SSBP3: variants seen among roughly 807,000 people sequenced by gnomAD.
SSBP3 encodes single stranded DNA binding protein 3.
A neutral mutation model predicts 69.6 loss-of-function variants in SSBP3; 5 were observed. The ratio of observed to expected loss-of-function variants is 0.07; its 90% CI spans 0.04 to 0.15. The LOEUF (loss-of-function observed/expected upper bound fraction) is 0.15. Among genes scored for constraint, SSBP3 ranks in the 10% least tolerant of loss-of-function variants. The probability of loss-of-function intolerance (pLI) is 1.00; values close to 1 mark genes in which losing one functional copy is unlikely to be tolerated. For synonymous variants in SSBP3, 196 were observed against 193.4 expected (o/e 1.01, Z -0.11); for missense variants, 312 against 534.0 (o/e 0.58, Z 4.10).
At chr1:54,228,184 A>C in intron 17 of SSBP3, 71 bp downstream of exon 17, 62 of 1,338,658 alleles carry the variant, frequency 4.6e-5, no homozygotes, top group Non-Finnish European at 6.4e-5. Context: ...CCGGCTCCGT[A>C]GCTCGCAACT....
At chr1:54,241,088 C>T in intron 12 of SSBP3, 129 bp from the exon 13 acceptor site, 1 of 988,850 alleles carries the variant, frequency 1.0e-6, no homozygotes, top group Non-Finnish European at 1.5e-6. Flanking sequence ...TCTTGCTACA[C>T]CCCCAGCGCT....
upstream of SSBP3, among the ~76,000 whole-genome samples, chr1:54,408,797 A>T (rs1649916830): frequency 6.6e-6 from 1 of 152,178 alleles, no homozygotes; most frequent in South Asian, 2.1e-4. Flanking sequence ...ACATGTGGCA[A>T]GAAGAGAGGG....
chr1:54,289,511 C>T (rs1033073097), intron 4 of SSBP3, among the ~76,000 whole-genome samples: 1 of 152,174 alleles, frequency 6.6e-6, no homozygotes, highest in African/African-American at 2.4e-5. Context: ...TGACAGGTTG[C>T]AGGTCTGCCC....
intron 9 of SSBP3, 40 bp downstream of exon 9, chr1:54,251,576 G>A (rs371390365): frequency 1.3e-6 from 2 of 1,544,104 alleles, no homozygotes; most frequent in Non-Finnish European, 1.8e-6. Context: ...GGTGCACACA[G>A]ATGGCCAGGG....
At chr1:54,397,705 C>T (rs1328774905) in intron 4 of SSBP3, among the ~76,000 whole-genome samples, 1 of 152,150 alleles carries the variant, frequency 6.6e-6, no homozygotes, top group African/African-American at 2.4e-5. Flanking sequence ...CATTTCACTC[C>T]CCAAGTTCTT....
chr1:54,347,527 C>T (rs1336073238), intron 4 of SSBP3, among the ~76,000 whole-genome samples: 3 of 152,120 alleles, frequency 2.0e-5, no homozygotes, highest in African/African-American at 4.8e-5. Flanking sequence ...GTTTGTTTCC[C>T]CTGAATATTT....
chr1:54,259,814 C>T (rs556715081), intron 5 of SSBP3, among the ~76,000 whole-genome samples: 2 of 152,348 alleles, frequency 1.3e-5, no homozygotes, highest in African/African-American at 2.4e-5. Context: ...TGCTCACTTC[C>T]GGAAAGCTCC....
At chr1:54,268,505 C>T (rs1645140254) in intron 5 of SSBP3, among the ~76,000 whole-genome samples, 2 of 152,234 alleles carry the variant, frequency 1.3e-5, no homozygotes, top group South Asian at 2.1e-4. Flanking sequence ...AATGATTCGT[C>T]ATATCCAACT....
chr1:54,336,257 G>A (rs1646505935), intron 4 of SSBP3, among the ~76,000 whole-genome samples: 1 of 152,204 alleles, frequency 6.6e-6, no homozygotes, highest in South Asian at 2.1e-4. Context: ...GCAGTAAGCA[G>A]GGCAAATATG....
intron 14 of SSBP3, among the ~76,000 whole-genome samples, chr1:54,231,520 C>T (rs184230223): frequency 3.3e-5 from 5 of 152,186 alleles, no homozygotes; most frequent in East Asian, 1.9e-4. Context: ...TCTTAATCTC[C>T]GATGAAGTCC....
chr1:54,327,293 A>AACAACAACT (rs1315240746), intron 4 of SSBP3, among the ~76,000 whole-genome samples: 25 of 151,298 alleles, frequency 1.7e-4, no homozygotes, highest in African/African-American at 5.8e-4. Context: ...GAACAACAAC[A>AACAACAACT]AAAAACCCCC....
intron 13 of SSBP3, among the ~76,000 whole-genome samples, chr1:54,240,067 T>TGTGTGC (rs1422210911): frequency 3.4e-5 from 1 of 29,094 alleles, no homozygotes; most frequent in Non-Finnish European, 6.9e-5. Context: ...TGTGTGTGTG[T>TGTGTGC]GTGTGTGTGT....
intron 5 of SSBP3, among the ~76,000 whole-genome samples, chr1:54,265,517 C>A (rs1194002274): frequency 1.3e-5 from 2 of 152,172 alleles, no homozygotes; most frequent in African/African-American, 4.8e-5. Flanking sequence ...TCTGCGTGGT[C>A]CCCGAGAGCT....
intron 14 of SSBP3, among the ~76,000 whole-genome samples, chr1:54,236,114 T>C (rs1644487607): frequency 7.0e-6 from 1 of 143,482 alleles, no homozygotes; most frequent in African/African-American, 2.6e-5. Context: ...TTAATGTGTT[T>C]ATGTATTTTT....
chr1:54,321,154 G>A (rs1646205384), intron 4 of SSBP3, among the ~76,000 whole-genome samples: 1 of 152,212 alleles, frequency 6.6e-6, no homozygotes, highest in Non-Finnish European at 1.5e-5. Flanking sequence ...ACTGACCCTG[G>A]AGAGACAGGA....
intron 4 of SSBP3, among the ~76,000 whole-genome samples, chr1:54,353,647 A>G (rs1646818523): frequency 6.6e-6 from 1 of 152,276 alleles, no homozygotes; most frequent in Non-Finnish European, 1.5e-5. Flanking sequence ...TCAGAGAAAA[A>G]CAGGCAGGGT....
intron 4 of SSBP3, among the ~76,000 whole-genome samples, chr1:54,399,830 C>A (rs1570058672): frequency 1.3e-5 from 2 of 152,164 alleles, no homozygotes; most frequent in South Asian, 4.1e-4. Context: ...TTTCCACTTG[C>A]TTCTCTGCTG....
At chr1:54,226,538 T>G (rs1644287808) in exon 18 of SSBP3, 1 of 153,770 alleles carries the variant, frequency 6.5e-6, no homozygotes, top group East Asian at 1.9e-4. Flanking sequence ...CTGTCCAGTT[T>G]ATTATTATTA....
At chr1:54,338,715 G>A (rs1646553493) in intron 4 of SSBP3, among the ~76,000 whole-genome samples, 1 of 152,222 alleles carries the variant, frequency 6.6e-6, no homozygotes, top group South Asian at 2.1e-4. Flanking sequence ...TTCTGAATAT[G>A]ACGTGAACAA....
Sources: gnomAD v4.1 joint callset for allele counts (sites outside exome capture counted in the v4.1 genomes callset) on GRCh38, gnomAD v4.1.1 for gene constraint, MANE v1.5 for transcripts, NCBI Gene and HGNC (gene_info 2026-07-23, HGNC 2026-07-21) for gene names.